JPH3: variants seen among roughly 807,000 people sequenced by gnomAD.
JPH3 encodes junctophilin 3.
A neutral mutation model predicts 59.6 loss-of-function variants in JPH3; 11 were observed. The ratio of observed to expected loss-of-function variants is 0.18; its 90% CI spans 0.12 to 0.31. The LOEUF is 0.31. JPH3 is among the 10% of genes least tolerant of loss of function. JPH3 has a pLI of 1.00. For synonymous variants in JPH3, 673 were observed against 483.6 expected, an observed-to-expected ratio of 1.39 and a Z score of -5.14; for missense variants, 1,202 against 1,105.7, an observed-to-expected ratio of 1.09 and a Z score of -1.24.
intron 2 of JPH3, among the ~76,000 whole-genome samples, chr16:87,649,045 C>CA (rs2032245426): frequency 6.6e-6 from 1 of 152,196 alleles, no homozygotes. Context: ...GAGTCCAGCC[C>CA]AGCAAGGGTG....
chr16:87,695,203 A>G, intron 4 of JPH3: 1 of 407,662 alleles, frequency 2.5e-6, no homozygotes, highest in East Asian at 7.1e-5. Context: ...TCCTTAATGC[A>G]GGCCTGAGCA....
chr16:87,667,059 C>T (rs1043763207), intron 2 of JPH3, among the ~76,000 whole-genome samples: 1 of 152,222 alleles, frequency 6.6e-6, no homozygotes, highest in Non-Finnish European at 1.5e-5. Flanking sequence ...GTGGCAGGGC[C>T]GTGCCCCCTC....
At position 87,637,950 on chromosome 16, in the gene JPH3, C is replaced by T. The variant is rs986580251; in HGVS notation, c.383-6308C>T. On this transcript the variant is annotated intron_variant, in intron 1 of 4. Coordinates refer to ENST00000284262, the MANE Select transcript of JPH3 (RefSeq NM_020655.4). The stretch of plus-strand genomic sequence containing the variant: ...TTTTTTTTTGAGATGGGGTTTCACT[C>T]TTGTTGCCCAGACTGGAGTGCAGTG... 2.0e-5 allele frequency among the ~76,000 whole-genome samples: 3 copies of T among 152,172 alleles called. No individual in the cohort carries two copies. In the South Asian group the frequency reaches 6.2e-4, roughly 32 times the overall value.
intron 4 of JPH3, among the ~76,000 whole-genome samples, chr16:87,691,918 A>G (rs1288356388): frequency 6.6e-6 from 1 of 151,956 alleles, no homozygotes; most frequent in Non-Finnish European, 1.5e-5. Context: ...GACGGGTTCT[A>G]TTTTTAGCCT....
chr16:87,684,412 C>A, intron 3 of JPH3, 146 bp downstream of exon 3: 1 of 1,321,986 alleles, frequency 7.6e-7, no homozygotes, highest in Non-Finnish European at 1.0e-6. Context: ...TCTTCCTCTC[C>A]CGCCGAAGGT....
chr16:87,648,575 G>T (rs975181500), intron 2 of JPH3, among the ~76,000 whole-genome samples: 8 of 152,164 alleles, frequency 5.3e-5, no homozygotes, highest in African/African-American at 1.9e-4. Context: ...GGGAAGGGAA[G>T]TGGGTTTTCC....
intron 1 of JPH3, among the ~76,000 whole-genome samples, chr16:87,639,935 C>G (rs1308211974): frequency 1.3e-5 from 2 of 152,244 alleles, no homozygotes; most frequent in African/African-American, 4.8e-5. Flanking sequence ...TTGTTCCCAT[C>G]TGTATCTGTA....
At chr16:87,680,520 C>G (rs959495200) in intron 2 of JPH3, among the ~76,000 whole-genome samples, 3 of 152,220 alleles carry the variant, frequency 2.0e-5, no homozygotes, top group African/African-American at 7.2e-5. Flanking sequence ...ACGATCGCGA[C>G]CTTTTCCTCC....
chr16:87,631,509 C>G (rs1029225616), intron 1 of JPH3, among the ~76,000 whole-genome samples: 2 of 152,170 alleles, frequency 1.3e-5, no homozygotes, highest in Admixed American at 6.5e-5. Flanking sequence ...TTATGTTTCT[C>G]TGGAAGCATT....
intron 3 of JPH3, among the ~76,000 whole-genome samples, chr16:87,685,021 C>T (rs746458037): frequency 3.9e-5 from 6 of 152,184 alleles, no homozygotes; most frequent in South Asian, 2.1e-4. Context: ...GACCGGTGAG[C>T]GGTATTCGGA....
rs1166475238 is a variant in JPH3 at position 87,603,368 on chromosome 16, C to A, written c.222C>A (p.Gly74=). 7 of 1,610,780 alleles carry A rather than the reference C, an allele frequency of 4.3e-6. No individual in the cohort carries two copies. The Admixed American group carries it at 1.0e-4, about 23-fold the overall frequency. ...TWAQGKRHGI[G]LESKGKWVYK... ...CGCAGGGCAAGCGCCACGGCATCGG[C>A]CTGGAGAGCAAGGGGAAGTGGGTGT... The change falls in exon 1 of 5, where the codon GGC becomes GGA. Residue 74 remains glycine, a synonymous_variant. Transcript: ENST00000284262.
rs2033878485 is a variant in JPH3 at position 87,696,768 on chromosome 16, T to A, written c.*108T>A. 1.2e-6 allele frequency: 1 copy of A among 840,696 alleles called. No homozygotes were observed. Among genetic ancestry groups the A allele is most frequent in the Middle Eastern group, 2.2e-4 (1 of 4,586 alleles). The allele number at this position is 840,696 out of a possible 1,614,324, so 52.1% of individuals were successfully genotyped here. ...ACCGCAACTCGGACAGCCCAGCGAC[T>A]TCCAAGTCCTCTCACAGAAGAACCA... is the stretch of plus-strand genomic sequence containing the variant. On this transcript the variant is annotated 3_prime_UTR_variant, in exon 5 of 5. Coordinates refer to ENST00000284262, the MANE Select transcript of JPH3 (RefSeq NM_020655.4).
intron 1 of JPH3, among the ~76,000 whole-genome samples, chr16:87,632,987 CCT>C (rs2031613390): frequency 6.6e-6 from 1 of 152,152 alleles, no homozygotes; most frequent in African/African-American, 2.4e-5. Context: ...TCTGCCTCAG[CCT>C]CCCAAAGGGC....
rs1358950113 is a variant in JPH3 at position 87,664,494 on chromosome 16, A to G, written c.1160+19459A>G. Among the ~76,000 whole-genome samples, 6 of 151,990 alleles carry G rather than the reference A, an allele frequency of 3.9e-5. No homozygotes were observed. The South Asian group carries it at 6.2e-4, about 16-fold the overall frequency. ...ACAAAAATTAGCCGGGCGTGGTGGC[A>G]TGCGCCTGTAATCCCAGCTACTGAG... On this transcript the variant is annotated intron_variant, in intron 2 of 4. Coordinates refer to ENST00000284262, the MANE Select transcript of JPH3 (RefSeq NM_020655.4).
At chr16:87,642,857 G>C (rs185745215) in intron 1 of JPH3, among the ~76,000 whole-genome samples, 1 of 152,234 alleles carries the variant, frequency 6.6e-6, no homozygotes, top group African/African-American at 2.4e-5. Flanking sequence ...ATGGGCCCAG[G>C]TCTGCTGACC....
intron 1 of JPH3, among the ~76,000 whole-genome samples, chr16:87,624,666 T>G (rs1337222299): frequency 6.6e-6 from 1 of 152,248 alleles, no homozygotes; most frequent in Non-Finnish European, 1.5e-5. Flanking sequence ...TGAGTCGTGC[T>G]GCTGTGACCA....
At chr16:87,669,751 A>G (rs2032966717) in intron 2 of JPH3, among the ~76,000 whole-genome samples, 1 of 152,170 alleles carries the variant, frequency 6.6e-6, no homozygotes, top group Non-Finnish European at 1.5e-5. Flanking sequence ...AGGCAGAAAA[A>G]GAGGAACGAA....
chr16:87,688,358 C>T (rs768521004), intron 3 of JPH3, among the ~76,000 whole-genome samples: 36 of 152,338 alleles, frequency 2.4e-4, no homozygotes, highest in Non-Finnish European at 3.8e-4. Flanking sequence ...AGCCTGGTGG[C>T]GTCGCAGCGT....
At chr16:87,693,325 A>G (rs2033659288) in intron 4 of JPH3, among the ~76,000 whole-genome samples, 1 of 152,248 alleles carries the variant, frequency 6.6e-6, no homozygotes. Context: ...AGGACAGTTT[A>G]CAAAGCCCTT....
Sources: allele counts gnomAD v4.1 joint callset (sites outside exome capture counted in the v4.1 genomes callset), GRCh38; gene constraint gnomAD v4.1.1; transcripts MANE v1.5; gene names NCBI Gene and HGNC (gene_info 2026-07-23, HGNC 2026-07-21).